The following OSBPL8 variants were observed in gnomAD, a reference collection of about 807,000 sequenced individuals.
OSBPL8 encodes oxysterol-binding protein-related protein 8.
OSBPL8 carries 59 observed loss-of-function variants against 125.5 expected under a neutral mutation model. The observed-to-expected ratio is 0.47, with a 90% confidence interval of 0.38 to 0.58. The LOEUF (loss-of-function observed/expected upper bound fraction) is 0.58, where lower values mean the gene tolerates loss of function less well. Ranked by LOEUF, OSBPL8 falls within the 20% of genes least tolerant of loss-of-function variation. OSBPL8 has a pLI of 0.00. For missense variants in OSBPL8, 758 were observed against 1,047.8 expected (o/e 0.72, Z 3.82); for synonymous variants, 330 against 338.9 (o/e 0.97, Z 0.29).
At chr12:76,488,830 C>A (rs936113853) in intron 1 of OSBPL8, among the ~76,000 whole-genome samples, 6 of 152,070 alleles carry the variant, frequency 3.9e-5, no homozygotes, top group African/African-American at 1.5e-4. Context: ...AAAGGAAGAC[C>A]CACATATTTC....
intron 4 of OSBPL8, among the ~76,000 whole-genome samples, chr12:76,435,888 T>C (rs1325851197): frequency 1.3e-5 from 2 of 152,128 alleles, no homozygotes; most frequent in Non-Finnish European, 2.9e-5. Flanking sequence ...ATTCTGCCAC[T>C]AGAAATCTAT....
rs570755652 is a variant in OSBPL8 at position 76,510,893 on chromosome 12, A to AT, written c.-67-23276_-67-23275insA. 5.0e-3 allele frequency among the ~76,000 whole-genome samples: 518 copies of AT among 103,598 alleles called. 3 individuals are homozygous for AT. Among genetic ancestry groups the AT allele is most frequent in the African/African-American group, 6.9e-3 (237 of 34,392 alleles). The allele number at this position is 103,598 out of a possible 152,430, so 68.0% of individuals were successfully genotyped here. A position where few individuals can be genotyped will look rare whatever the true frequency, so the allele number is the denominator to read the frequency against. On this transcript the variant is annotated intron_variant, in intron 1 of 23. Coordinates refer to ENST00000261183, the MANE Select transcript of OSBPL8 (RefSeq NM_020841.5). ...TGAAACCCCATCTCAAAAAAAAAAA[A>AT]AAAAATATATTTACCTCTTGCCATA...
intron 3 of OSBPL8, among the ~76,000 whole-genome samples, chr12:76,457,519 T>A (rs547851725): frequency 3.9e-4 from 60 of 152,138 alleles, no homozygotes; most frequent in South Asian, 2.1e-3. Flanking sequence ...CTCAGAAAAA[T>A]TTTCCAATAT....
intron 1 of OSBPL8, among the ~76,000 whole-genome samples, chr12:76,507,288 T>C (rs1880511594): frequency 6.6e-6 from 1 of 151,716 alleles, no homozygotes; most frequent in Non-Finnish European, 1.5e-5. Context: ...GTTATTTCAG[T>C]CACAGGGAAA....
intron 1 of OSBPL8, among the ~76,000 whole-genome samples, chr12:76,520,895 T>C (rs899638897): frequency 4.6e-5 from 7 of 152,190 alleles, no homozygotes; most frequent in Non-Finnish European, 1.0e-4. Context: ...TAATCAAGGG[T>C]CCACCCAATA....
At chr12:76,464,406 A>G (rs538056748) in intron 2 of OSBPL8, among the ~76,000 whole-genome samples, 91 of 152,358 alleles carry the variant, frequency 6.0e-4, no homozygotes, top group African/African-American at 2.1e-3. Context: ...AAGATATATC[A>G]GTAATAAAAG....
chr12:76,544,919 T>C (rs1338817360), intron 1 of OSBPL8, among the ~76,000 whole-genome samples: 1 of 152,126 alleles, frequency 6.6e-6, no homozygotes, highest in African/African-American at 2.4e-5. Context: ...TTACAAGGAT[T>C]ACATAATATA....
At chr12:76,483,885 G>C (rs1877842688) in intron 2 of OSBPL8, among the ~76,000 whole-genome samples, 1 of 151,754 alleles carries the variant, frequency 6.6e-6, no homozygotes, top group African/African-American at 2.4e-5. Flanking sequence ...ATGTTGGCCA[G>C]GCTGGTTTTG....
At position 76,412,839 on chromosome 12, in the gene OSBPL8, T is replaced by C. The variant is rs1868284988; in HGVS notation, c.218-2205A>G. Among the ~76,000 whole-genome samples the C allele has an allele frequency of 1.3e-5, 2 of 152,172 alleles. 1 individual carries two copies. Among genetic ancestry groups the C allele is most frequent in the South Asian group, 4.1e-4 (2 of 4,836 alleles). On this transcript the variant is annotated intron_variant, in intron 4 of 23. Coordinates refer to ENST00000261183, the MANE Select transcript of OSBPL8 (RefSeq NM_020841.5). Reference sequence around the variant, plus strand: ...CTACATTTAAAACTCATGCTGTTTCTACAATGCCATGGAGCCTCTCAAGAC... The same window carrying C: ...CTACATTTAAAACTCATGCTGTTTCCACAATGCCATGGAGCCTCTCAAGAC...
At chr12:76,456,264 A>C (rs1013094330) in intron 3 of OSBPL8, among the ~76,000 whole-genome samples, 4 of 152,186 alleles carry the variant, frequency 2.6e-5, no homozygotes, top group Non-Finnish European at 4.4e-5. Flanking sequence ...TACTCCAATA[A>C]TTTAAATGTC....
rs567315505 is a variant in OSBPL8, at chr12:76,540,558, A to G, written c.-68+18839T>C. On this transcript the variant is annotated intron_variant, in intron 1 of 23. Coordinates refer to ENST00000261183, the MANE Select transcript of OSBPL8 (RefSeq NM_020841.5). ...GAGAGAAATCTAGAAGAATAACACC[A>G]AACTGCTAACAAGGTGGGCTATTTC... Among the ~76,000 whole-genome samples the G allele has an allele frequency of 2.0e-5, 3 of 151,848 alleles. No individual in the cohort carries two copies. In the East Asian group the frequency reaches 5.8e-4, roughly 29 times the overall value.
intron 1 of OSBPL8, among the ~76,000 whole-genome samples, chr12:76,497,146 AG>A: frequency 6.6e-6 from 1 of 152,194 alleles, no homozygotes; most frequent in East Asian, 1.9e-4. Context: ...TTTTAACTAA[AG>A]GGAGATAGAT....
intron 7 of OSBPL8, among the ~76,000 whole-genome samples, chr12:76,398,887 T>C (rs999570631): frequency 2.0e-5 from 3 of 152,028 alleles, no homozygotes; most frequent in African/African-American, 7.2e-5. Context: ...TACCCTGAAA[T>C]AACATTTTGG....
At chr12:76,405,375 C>A (rs1022982548) in intron 5 of OSBPL8, among the ~76,000 whole-genome samples, 9 of 152,090 alleles carry the variant, frequency 5.9e-5, no homozygotes, top group African/African-American at 2.2e-4. Context: ...AGGAGAATCA[C>A]CCGAGCCTAG....
intron 1 of OSBPL8, among the ~76,000 whole-genome samples, chr12:76,546,987 C>T (rs1010571204): frequency 3.9e-5 from 6 of 152,130 alleles, no homozygotes; most frequent in Non-Finnish European, 8.8e-5. Flanking sequence ...ATAATCAGGC[C>T]AAATTTGGGG....
chr12:76,410,586 G>T lies in OSBPL8; in HGVS notation c.266C>A (p.Ser89Ter). 6.2e-7 allele frequency: 1 copy of T among 1,604,790 alleles called. No homozygotes were observed. The highest frequency in any genetic ancestry group is 8.5e-7 in the Non-Finnish European group (1 of 1,172,850). Residue 89 changes from serine to a stop codon, truncating the protein, a stop_gained, in exon 5 of 24, where the codon TCA becomes TAA. Transcript: ENST00000261183. LOFTEE classifies it high-confidence loss of function. ...TACCTTGCTCTTTGACATAGAAAGT[G>T]AAGATTCATCTTTATTTTGAGAAAT... ...EDISQNKDESSLSMSKSKSES... is the reference protein window; with the variant it reads ...EDISQNKDES
chr12:76,459,682 G>A (rs1592719595), intron 3 of OSBPL8, among the ~76,000 whole-genome samples, 177 bp downstream of exon 3: 1 of 152,184 alleles, frequency 6.6e-6, no homozygotes, highest in Non-Finnish European at 1.5e-5. Context: ...AATGAGAACA[G>A]ATGGGGCACT....
In OSBPL8 at chr12:76,380,528, C is replaced by CA. The variant is rs3038514; in HGVS notation, c.1631-1979dup. Among the ~76,000 whole-genome samples, 299 of 89,196 alleles carry CA rather than the reference C, an allele frequency of 3.4e-3. 14 individuals are homozygous for CA. The highest frequency in any genetic ancestry group is 0.029 in the South Asian group (60 of 2,046). 58.5% of individuals were successfully genotyped at this position (89,196 alleles called of 152,430 possible). On this transcript the variant is annotated intron_variant, in intron 15 of 23. Coordinates refer to ENST00000261183, the MANE Select transcript of OSBPL8 (RefSeq NM_020841.5). ...CCAGCAACATAGTGAGACACTGTCC[C>CA]AAAAAAAAAAAAAAAAAAACCCTCT...
intron 4 of OSBPL8, among the ~76,000 whole-genome samples, 179 bp downstream of exon 4, chr12:76,450,672 G>C (rs1040463166): frequency 1.3e-5 from 2 of 151,708 alleles, no homozygotes; most frequent in African/African-American, 4.8e-5. Context: ...AAGTCTAAAG[G>C]AAAGTGTACT....
Sources: gnomAD v4.1 joint callset for allele counts (sites outside exome capture counted in the v4.1 genomes callset) on GRCh38, gnomAD v4.1.1 for gene constraint, MANE v1.5 for transcripts, NCBI Gene and HGNC (gene_info 2026-07-23, HGNC 2026-07-21) for gene names.